Variants in SPIDR observed in about 807,000 individuals in gnomAD.
SPIDR encodes scaffold protein involved in DNA repair.
In SPIDR, 93 loss-of-function variants were observed where a neutral mutation model predicts 104.6. The ratio of observed to expected loss-of-function variants is 0.89; its 90% CI spans 0.75 to 1.06. The LOEUF is 1.06. Among genes scored for constraint, SPIDR ranks in the 50% least tolerant of loss-of-function variants. SPIDR has a pLI of 0.00. For missense variants in SPIDR, 1,154 were observed against 1,111.2 expected (o/e 1.04, Z -0.55); for synonymous variants, 431 against 416.9 (o/e 1.03, Z -0.41).
chr8:47,545,119 C>CTTTCT (rs1406970191), intron 8 of SPIDR, among the ~76,000 whole-genome samples: 95 of 23,924 alleles, frequency 4.0e-3, no homozygotes, highest in South Asian at 0.028. Flanking sequence ...TTCTTTCTTT[C>CTTTCT]TTTTTTTTTT....
chr8:47,626,887 G>A (rs1000783295), intron 10 of SPIDR, among the ~76,000 whole-genome samples: 1 of 152,028 alleles, frequency 6.6e-6, no homozygotes, highest in Non-Finnish European at 1.5e-5. Flanking sequence ...CCCATTACTG[G>A]GTATATACCC....
chr8:47,622,368 C>G (rs1229862343), intron 10 of SPIDR, among the ~76,000 whole-genome samples: 2 of 152,188 alleles, frequency 1.3e-5, no homozygotes, highest in Non-Finnish European at 2.9e-5. Flanking sequence ...AGCAGCTGTA[C>G]AGCCTGTGAC....
chr8:47,702,901 A>G lies in SPIDR; in HGVS notation c.1977+886A>G, dbSNP rs138684491. Among the ~76,000 whole-genome samples the G allele has an allele frequency of 5.3e-3, 813 of 152,286 alleles. 4 individuals are homozygous for G. The highest frequency in any genetic ancestry group is 0.019 in the African/African-American group (779 of 41,548). ...AGCTACCAGCCAGGCCAGAATACTC[A>G]GGAATTGCCCAGCAAGCAGTCTCAA... On this transcript the variant is annotated intron_variant, in intron 14 of 19. Transcript: ENST00000297423.
At chr8:47,445,864 C>T (rs1224726075) in intron 8 of SPIDR, among the ~76,000 whole-genome samples, 1 of 152,206 alleles carries the variant, frequency 6.6e-6, no homozygotes, top group African/African-American at 2.4e-5. Flanking sequence ...AAACCCTAAC[C>T]TTCTACAATT....
intron 8 of SPIDR, among the ~76,000 whole-genome samples, chr8:47,588,815 A>C (rs1038855977): frequency 1.3e-5 from 2 of 152,130 alleles, no homozygotes; most frequent in Non-Finnish European, 2.9e-5. Flanking sequence ...GTTTTTTCAC[A>C]TTGCTAATGT....
intron 8 of SPIDR, among the ~76,000 whole-genome samples, chr8:47,525,378 A>C (rs185455723): frequency 2.6e-5 from 4 of 152,258 alleles, no homozygotes; most frequent in Non-Finnish European, 5.9e-5. Flanking sequence ...CTTTCTTTCT[A>C]TGGTTCTAGC....
intron 8 of SPIDR, among the ~76,000 whole-genome samples, chr8:47,479,280 A>G (rs1405912692): frequency 6.6e-6 from 1 of 151,322 alleles, no homozygotes; most frequent in Non-Finnish European, 1.5e-5. Flanking sequence ...AATTGCTTGA[A>G]CCTGGGAGGC....
chr8:47,592,236 T>G (rs2154419947), intron 8 of SPIDR: 1 of 1,310,118 alleles, frequency 7.6e-7, no homozygotes, highest in East Asian at 2.3e-5. Context: ...GCTACATCAT[T>G]TGCTAATGGA....
intron 8 of SPIDR, among the ~76,000 whole-genome samples, chr8:47,451,839 A>G (rs1450524606): frequency 1.3e-5 from 2 of 152,180 alleles, no homozygotes; most frequent in Non-Finnish European, 2.9e-5. Context: ...ATAATGGCTG[A>G]GGAACAATGT....
chr8:47,699,429 T>C (rs2079823241), intron 11 of SPIDR, among the ~76,000 whole-genome samples: 1 of 152,198 alleles, frequency 6.6e-6, no homozygotes, highest in Non-Finnish European at 1.5e-5. Context: ...TCCCCATCTC[T>C]GTTAACAAGG....
chr8:47,729,441 G>T lies in SPIDR; in HGVS notation c.2580G>T (p.Leu860=). 6.3e-7 allele frequency: 1 copy of T among 1,598,234 alleles called. No homozygotes were observed. Residue 860 remains leucine (L), a synonymous_variant, in exon 19 of 20, where the codon CTG becomes CTT. Transcript: ENST00000297423. ...KLLQRSISSL[L]RFAAGEDGSY... is the part of the protein sequence containing the mutation. ...TGCAGCGCAGCATTTCCTCCCTGCT[G>T]AGGTTTGCCGCCGGTGAAGATGGGG...
At chr8:47,597,206 A>T (rs1453450377) in intron 9 of SPIDR, among the ~76,000 whole-genome samples, 1 of 152,212 alleles carries the variant, frequency 6.6e-6, no homozygotes, top group East Asian at 1.9e-4. Context: ...CTTTTATGCA[A>T]CTGGCAACAC....
At position 47,475,479 on chromosome 8, in the gene SPIDR, A is replaced by G. The variant is rs191537158; in HGVS notation, c.1097+34937A>G. ...ATTTTGTAATTAAAATAATCCGAAG[A>G]TCATGCAGTGATCTTTAAAGCCATG... On this transcript the variant is annotated intron_variant, in intron 8 of 19. Coordinates refer to ENST00000297423, the MANE Select transcript of SPIDR (RefSeq NM_001080394.4). Among the ~76,000 whole-genome samples the G allele has an allele frequency of 3.3e-5, 5 of 152,374 alleles. No individual in the cohort carries two copies. The East Asian group carries it at 9.6e-4, about 29-fold the overall frequency.
chr8:47,571,083 T>A (rs1270879471), intron 8 of SPIDR, among the ~76,000 whole-genome samples: 1 of 151,506 alleles, frequency 6.6e-6, no homozygotes, highest in Non-Finnish European at 1.5e-5. Flanking sequence ...GGAGCGAGAC[T>A]CTGTCTCAAA....
At chr8:47,731,587 T>C (rs2154494531) in intron 19 of SPIDR, among the ~76,000 whole-genome samples, 1 of 152,386 alleles carries the variant, frequency 6.6e-6, no homozygotes, top group Non-Finnish European at 1.5e-5. Flanking sequence ...AAAGTCATCG[T>C]TACGCCACAG....
intron 8 of SPIDR, among the ~76,000 whole-genome samples, chr8:47,534,378 A>T (rs566139844): frequency 6.6e-6 from 1 of 152,230 alleles, no homozygotes; most frequent in Non-Finnish European, 1.5e-5. Context: ...CATGGAATCA[A>T]CCTAAATGCC....
At chr8:47,562,488 C>T (rs1242109698) in intron 8 of SPIDR, among the ~76,000 whole-genome samples, 4 of 152,176 alleles carry the variant, frequency 2.6e-5, no homozygotes, top group Non-Finnish European at 5.9e-5. Flanking sequence ...CCTCTGCACC[C>T]TCGGCCCCCA....
chr8:47,635,392 A>G lies in SPIDR; in HGVS notation c.1544+36196A>G, dbSNP rs534971004. 3.3e-5 allele frequency among the ~76,000 whole-genome samples: 5 copies of G among 152,292 alleles called. No homozygotes were observed. In the South Asian group the frequency reaches 8.3e-4, roughly 25 times the overall value. ...ATTAAATTGGCTTATTTGTAAAACA[A>G]TGAAAGGATAAATGCTTGAGGGATA... On this transcript the variant is annotated intron_variant, in intron 10 of 19. Coordinates refer to ENST00000297423, the MANE Select transcript of SPIDR (RefSeq NM_001080394.4).
intron 1 of SPIDR, among the ~76,000 whole-genome samples, chr8:47,271,621 AT>A (rs2035340770): frequency 6.6e-6 from 1 of 151,688 alleles, no homozygotes; most frequent in East Asian, 1.9e-4. Context: ...CATTTTTATA[AT>A]TTTCTTCACT....
Sources: allele counts gnomAD v4.1 joint callset (sites outside exome capture counted in the v4.1 genomes callset), GRCh38; gene constraint gnomAD v4.1.1; transcripts MANE v1.5; gene names NCBI Gene and HGNC (gene_info 2026-07-23, HGNC 2026-07-21).